RABEP1: variants seen among roughly 807,000 people sequenced by gnomAD.
RABEP1 encodes rabaptin, RAB GTPase binding effector protein 1, also known as rab GTPase-binding effector protein 1.
In RABEP1, 51 loss-of-function variants were observed where a neutral mutation model predicts 123.4. The ratio of observed to expected loss-of-function variants is 0.41; its 90% confidence interval spans 0.33 to 0.52. The LOEUF is 0.52. Among genes scored for constraint, RABEP1 ranks in the 20% least tolerant of loss-of-function variants. The pLI, the probability that RABEP1 is intolerant of heterozygous loss-of-function variation, is 0.16. For synonymous variants in RABEP1, 347 were observed against 355.2 expected (o/e 0.98, Z 0.26); for missense variants, 888 against 996.3 (o/e 0.89, Z 1.46).
At position 5,386,236 on chromosome 17, in the gene RABEP1, G is replaced by C. The variant is rs1567562321; in HGVS notation, c.*3013G>C. 2 of 1,613,334 alleles carry C rather than the reference G, an allele frequency of 1.2e-6. No individual in the cohort carries two copies. Among genetic ancestry groups the C allele is most frequent in the Non-Finnish European group, 8.5e-7 (1 of 1,179,696 alleles). On this transcript the variant is annotated 3_prime_UTR_variant, in exon 18 of 18. Transcript: ENST00000537505. The stretch of plus-strand genomic sequence containing the variant: ...AGTTTACATGATTGCGGATATCATT[G>C]ATTTGCTTCACCATTTCCCTTATAT...
In RABEP1 at chr17:5,368,364, T is replaced by C; in HGVS notation, c.1786-6T>C. 6.3e-7 allele frequency: 1 copy of C among 1,597,132 alleles called. No homozygotes were observed. The highest frequency in any genetic ancestry group is 2.2e-5 in the East Asian group (1 of 44,816). On this transcript the variant is annotated splice_region_variant and splice_polypyrimidine_tract_variant and intron_variant, in intron 11 of 17. Coordinates refer to ENST00000537505, the MANE Select transcript of RABEP1 (RefSeq NM_004703.6). ...ACTATGTTTCTATACATGTGTTTTT[T>C]TAAAGATCTCTGCACTCGTCCTAAG...
intron 2 of RABEP1, among the ~76,000 whole-genome samples, chr17:5,317,544 A>G (rs1002563658): frequency 1.1e-4 from 17 of 152,126 alleles, no homozygotes; most frequent in Non-Finnish European, 1.9e-4. Context: ...CTTCTGTTCA[A>G]CATCTAGAAG....
intron 2 of RABEP1, among the ~76,000 whole-genome samples, chr17:5,331,468 T>C (rs1052477165): frequency 1.3e-5 from 2 of 152,204 alleles, no homozygotes; most frequent in African/African-American, 4.8e-5. Context: ...ATTTAAAAGA[T>C]GGTAAGAGGG....
At chr17:5,286,788 AAAC>A (rs1335381692) in intron 1 of RABEP1, among the ~76,000 whole-genome samples, 2 of 152,226 alleles carry the variant, frequency 1.3e-5, no homozygotes, top group African/African-American at 2.4e-5. Context: ...AACGGATATT[AAAC>A]AACAAACGTA....
intron 6 of RABEP1, among the ~76,000 whole-genome samples, chr17:5,349,677 A>ATT (rs1327325053): frequency 2.0e-5 from 3 of 151,940 alleles, no homozygotes; most frequent in Non-Finnish European, 4.4e-5. Flanking sequence ...CCCAAAGTAT[A>ATT]TTCCCTAGAG....
intron 13 of RABEP1, among the ~76,000 whole-genome samples, chr17:5,376,597 A>T (rs578216462): frequency 1.3e-5 from 2 of 152,204 alleles, no homozygotes; most frequent in Non-Finnish European, 2.9e-5. Context: ...CACCTTAGAA[A>T]GCCACCTTTG....
chr17:5,336,452 T>G (rs765588612), intron 4 of RABEP1: 8 of 470,156 alleles, frequency 1.7e-5, no homozygotes, highest in South Asian at 1.3e-4. Flanking sequence ...CAGATTGCAT[T>G]AGTTTTTACC....
intron 7 of RABEP1, among the ~76,000 whole-genome samples, chr17:5,353,812 C>T (rs1265557327): frequency 6.6e-6 from 1 of 152,026 alleles, no homozygotes; most frequent in African/African-American, 2.4e-5. Flanking sequence ...TGTGAAACCC[C>T]GTCTCTACAA....
At chr17:5,356,253 G>A (rs957832390) in intron 8 of RABEP1, among the ~76,000 whole-genome samples, 1 of 152,150 alleles carries the variant, frequency 6.6e-6, no homozygotes, top group South Asian at 2.1e-4. Context: ...CTACTCAGGT[G>A]ACTGAGGCAT....
intron 2 of RABEP1, among the ~76,000 whole-genome samples, chr17:5,327,421 G>A (rs184548638): frequency 1.3e-5 from 2 of 152,018 alleles, no homozygotes; most frequent in Non-Finnish European, 2.9e-5. Context: ...AAGATGTTTG[G>A]CAGTATGATG....
chr17:5,350,357 GCGA>G, intron 6 of RABEP1, 91 bp from the exon 7 acceptor site: 2 of 1,360,532 alleles, frequency 1.5e-6, no homozygotes, highest in South Asian at 2.9e-5. Flanking sequence ...TCCAGCCTGG[GCGA>G]CAGAGCGAGA....
chr17:5,302,549 TTAGTC>T (rs1489235717), intron 1 of RABEP1, among the ~76,000 whole-genome samples: 1 of 151,600 alleles, frequency 6.6e-6, no homozygotes, highest in Non-Finnish European at 1.5e-5. Flanking sequence ...CCAGCTTACC[TTAGTC>T]TATAAAGTTA....
At chr17:5,377,902 G>A (rs1473623443) in intron 14 of RABEP1, among the ~76,000 whole-genome samples, 2 of 152,262 alleles carry the variant, frequency 1.3e-5, no homozygotes, top group East Asian at 3.9e-4. Context: ...CTTGAACCCA[G>A]AACCAGGGGA....
intron 2 of RABEP1, among the ~76,000 whole-genome samples, chr17:5,315,808 C>T (rs763291586): frequency 1.3e-5 from 2 of 151,972 alleles, no homozygotes; most frequent in Non-Finnish European, 2.9e-5. Context: ...GCTGAAATTG[C>T]AGCACTGCAC....
chr17:5,299,582 G>A (rs1198391150), intron 1 of RABEP1, among the ~76,000 whole-genome samples: 1 of 104,882 alleles, frequency 9.5e-6, no homozygotes, highest in Admixed American at 9.8e-5. Context: ...ATATTACGTG[G>A]TTCTGAATTC....
chr17:5,309,851 A>G (rs1043387205), intron 2 of RABEP1, among the ~76,000 whole-genome samples: 14 of 152,184 alleles, frequency 9.2e-5, no homozygotes, highest in Non-Finnish European at 1.8e-4. Flanking sequence ...TATCGTCATC[A>G]TCACCTGGGA....
At chr17:5,326,370 A>T (rs1905970705) in intron 2 of RABEP1, among the ~76,000 whole-genome samples, 1 of 152,194 alleles carries the variant, frequency 6.6e-6, no homozygotes, top group East Asian at 1.9e-4. Flanking sequence ...CAAACTACTA[A>T]GTGAAAGAAG....
intron 17 of RABEP1, among the ~76,000 whole-genome samples, chr17:5,382,033 C>T (rs915321279): frequency 2.0e-5 from 3 of 151,948 alleles, no homozygotes; most frequent in Non-Finnish European, 1.5e-5. Flanking sequence ...GACACAATGA[C>T]ATTTAGAATA....
intron 2 of RABEP1, among the ~76,000 whole-genome samples, chr17:5,330,376 C>T (rs987419723): frequency 1.5e-4 from 23 of 152,214 alleles, no homozygotes; most frequent in African/African-American, 5.3e-4. Context: ...AACAACTTAG[C>T]ATGACTAGGT....
Sources: gnomAD v4.1 joint callset for allele counts (sites outside exome capture counted in the v4.1 genomes callset) on GRCh38, gnomAD v4.1.1 for gene constraint, MANE v1.5 for transcripts, NCBI Gene and HGNC (gene_info 2026-07-23, HGNC 2026-07-21) for gene names.